The following MLLT10 variants were observed in gnomAD, a reference collection of about 807,000 sequenced individuals.
MLLT10 encodes MLLT10 histone lysine methyltransferase DOT1L cofactor.
MLLT10 carries 30 observed loss-of-function variants against 129.1 expected under a neutral mutation model. That is an observed-to-expected ratio of 0.23 (90% CI 0.17 to 0.32). The LOEUF is 0.32. Ranked by LOEUF, MLLT10 falls within the 10% of genes least tolerant of loss-of-function variation. The pLI is 1.00. For synonymous variants in MLLT10, 490 were observed against 446.4 expected (o/e 1.10, Z -1.23); for missense variants, 1,119 against 1,268.3 (o/e 0.88, Z 1.79).
At chr10:21,697,517 G>A (rs890765118) in intron 13 of MLLT10, among the ~76,000 whole-genome samples, 1 of 152,138 alleles carries the variant, frequency 6.6e-6, no homozygotes, top group African/African-American at 2.4e-5. Context: ...ACTTTCGCAT[G>A]TATTTCAAAT....
At chr10:21,673,967 CCTTCTT>C (rs762973685) in intron 11 of MLLT10, 48 bp downstream of exon 11, 1 of 1,419,792 alleles carries the variant, frequency 7.0e-7, no homozygotes, top group Admixed American at 2.4e-5. Flanking sequence ...CCACCACCTC[CCTTCTT>C]CTGTCCCAAA....
At position 21,598,390 on chromosome 10, in the gene MLLT10, G is replaced by A. The variant is rs113992085; in HGVS notation, c.405+2950G>A. On this transcript the variant is annotated intron_variant, in intron 5 of 22. Transcript: ENST00000307729. ...AGGCTCATCTTGTGTTATTCCTGCTGTAGTTCTGAAATCACCATTTCTCTG... is the reference window on the plus strand; with the variant it reads ...AGGCTCATCTTGTGTTATTCCTGCTATAGTTCTGAAATCACCATTTCTCTG... Among the ~76,000 whole-genome samples, 7 of 152,272 alleles carry A rather than the reference G, an allele frequency of 4.6e-5. 1 individual carries two copies. Among genetic ancestry groups the A allele is most frequent in the African/African-American group, 7.2e-5 (3 of 41,542 alleles).
chr10:21,683,690 C>T (rs898433393), intron 13 of MLLT10, among the ~76,000 whole-genome samples: 1 of 151,940 alleles, frequency 6.6e-6, no homozygotes, highest in African/African-American at 2.4e-5. Flanking sequence ...TATTTTCTCT[C>T]CCCCACTGCC....
intron 8 of MLLT10, among the ~76,000 whole-genome samples, chr10:21,638,450 C>A (rs1163464398): frequency 6.6e-6 from 1 of 152,024 alleles, no homozygotes. Flanking sequence ...CTTCCTTACC[C>A]CCTGAGAATC....
At chr10:21,536,864 A>C (rs925107276) in intron 2 of MLLT10, among the ~76,000 whole-genome samples, 1 of 151,904 alleles carries the variant, frequency 6.6e-6, no homozygotes, top group Non-Finnish European at 1.5e-5. Flanking sequence ...GGCTCACCGC[A>C]ACCTCTGCAT....
intron 13 of MLLT10, among the ~76,000 whole-genome samples, chr10:21,689,618 T>C (rs11012777): frequency 0.032 from 3,592 of 111,964 alleles, 120 homozygotes; most frequent in African/African-American, 0.084. Context: ...TATATATATA[T>C]ACACACACAC....
At chr10:21,738,137 G>A (rs1303456855) in intron 21 of MLLT10, among the ~76,000 whole-genome samples, 2 of 151,960 alleles carry the variant, frequency 1.3e-5, no homozygotes, top group South Asian at 2.1e-4. Flanking sequence ...GTGTGGTGGC[G>A]CGTGTGTATA....
intron 17 of MLLT10, among the ~76,000 whole-genome samples, chr10:21,731,391 G>A (rs941864607): frequency 4.6e-5 from 7 of 151,716 alleles, no homozygotes; most frequent in African/African-American, 1.2e-4. Flanking sequence ...AAAATGTAAG[G>A]ACCACTGCCT....
intron 3 of MLLT10, among the ~76,000 whole-genome samples, chr10:21,574,815 C>T (rs529589037): frequency 1.8e-4 from 28 of 152,268 alleles, no homozygotes; most frequent in African/African-American, 6.5e-4. Context: ...GTGAGGACGA[C>T]CAGAGGTCAG....
intron 4 of MLLT10, among the ~76,000 whole-genome samples, chr10:21,591,006 C>T (rs915753250): frequency 6.6e-6 from 1 of 152,076 alleles, no homozygotes; most frequent in Non-Finnish European, 1.5e-5. Context: ...AAGTTCCTCT[C>T]TATTGCTTTT....
intron 2 of MLLT10, among the ~76,000 whole-genome samples, chr10:21,535,168 C>T (rs1324548455): frequency 6.6e-6 from 1 of 150,930 alleles, no homozygotes; most frequent in African/African-American, 2.4e-5. Context: ...TCCCGGGGTT[C>T]CCGGGGCCAC....
intron 9 of MLLT10, among the ~76,000 whole-genome samples, chr10:21,664,520 C>T (rs1209510808): frequency 6.6e-6 from 1 of 151,804 alleles, no homozygotes; most frequent in African/African-American, 2.4e-5. Context: ...TGGTCGCGAT[C>T]TCTTGACCTC....
At chr10:21,716,986 G>T (rs932865624) in intron 14 of MLLT10, among the ~76,000 whole-genome samples, 2 of 151,978 alleles carry the variant, frequency 1.3e-5, no homozygotes, top group African/African-American at 4.8e-5. Context: ...GCCGGGCGCA[G>T]TGGCTCACAC....
intron 22 of MLLT10, 128 bp downstream of exon 22, chr10:21,740,364 G>A (rs2058724531): frequency 4.1e-6 from 4 of 972,066 alleles, no homozygotes; most frequent in Middle Eastern, 2.3e-4. Context: ...TTTAGCAGAT[G>A]GATATTATAG....
chr10:21,611,832 C>T (rs1205716416), intron 5 of MLLT10, among the ~76,000 whole-genome samples: 1 of 152,112 alleles, frequency 6.6e-6, no homozygotes, highest in African/African-American at 2.4e-5. Flanking sequence ...TGACAGCCTA[C>T]CCGTATAGGA....
intron 16 of MLLT10, 25 bp from the exon 17 acceptor site, chr10:21,730,875 T>G (rs200309571): frequency 1.9e-6 from 3 of 1,614,000 alleles, no homozygotes; most frequent in Non-Finnish European, 2.5e-6. Flanking sequence ...CCCCTTCTTT[T>G]TAACTTGAGA....
At chr10:21,564,524 C>CTAA (rs1247957363) in intron 3 of MLLT10, 2 of 151,806 alleles carry the variant, frequency 1.3e-5, no homozygotes, top group Admixed American at 6.6e-5. Context: ...AGGGAGCATG[C>CTAA]TAATCTTCTC....
At chr10:21,542,998 G>T (rs1214854440) in intron 3 of MLLT10, among the ~76,000 whole-genome samples, 1 of 148,394 alleles carries the variant, frequency 6.7e-6, no homozygotes, top group Non-Finnish European at 1.5e-5. Flanking sequence ...TTGCTGTGTT[G>T]CCCAGGCTGG....
intron 21 of MLLT10, chr10:21,738,601 C>G: frequency 8.3e-7 from 1 of 1,205,222 alleles, no homozygotes; most frequent in Admixed American, 3.1e-5. Context: ...TTCCGCTCGA[C>G]ACTCTTGCTT....
Sources: allele counts gnomAD v4.1 joint callset (sites outside exome capture counted in the v4.1 genomes callset), GRCh38; gene constraint gnomAD v4.1.1; transcripts MANE v1.5; gene names NCBI Gene and HGNC (gene_info 2026-07-23, HGNC 2026-07-21).